MAP4K3: variants seen among roughly 807,000 people sequenced by gnomAD.
MAP4K3 encodes the protein mitogen-activated protein kinase kinase kinase kinase 3, also known as MAPK/ERK kinase kinase kinase 3.
Under a neutral mutation model 143.5 loss-of-function variants are expected in MAP4K3, and 94 were observed. The observed-to-expected ratio is 0.65, with a 90% CI of 0.55 to 0.78. The LOEUF (loss-of-function observed/expected upper bound fraction) is 0.78. Ranked by LOEUF, MAP4K3 falls within the 30% of genes least tolerant of loss-of-function variation. The pLI is 0.00. For synonymous variants in MAP4K3, 416 were observed against 347.2 expected, an observed-to-expected ratio of 1.20 and a Z score of -2.20; for missense variants, 1,077 against 1,068.1, an observed-to-expected ratio of 1.01 and a Z score of -0.12.
rs1256275761 is a variant in MAP4K3, at chr2:39,295,768, G to A, written c.1179-2500C>T. ...AGTCTTGCTTTTTTGGTCCAGTCTGGAGTGCAGTGGCGTGATCTTGGCTCA... is the reference window on the plus strand; with the variant it reads ...AGTCTTGCTTTTTTGGTCCAGTCTGAAGTGCAGTGGCGTGATCTTGGCTCA... On this transcript the variant is annotated intron_variant, in intron 16 of 33. Transcript: ENST00000263881. Among the ~76,000 whole-genome samples the A allele has an allele frequency of 2.8e-5, 4 of 143,330 alleles. No individual in the cohort carries two copies. In the Admixed American group the frequency reaches 2.9e-4, roughly 10 times the overall value. The allele number at this position is 143,330 out of a possible 152,430, so 94.0% of individuals were successfully genotyped here. A position where few individuals can be genotyped will look rare whatever the true frequency, so the allele number is the denominator to read the frequency against.
chr2:39,421,673 G>A (rs1667551916), intron 1 of MAP4K3, among the ~76,000 whole-genome samples: 1 of 152,060 alleles, frequency 6.6e-6, no homozygotes, highest in African/African-American at 2.4e-5. Flanking sequence ...TCTATAAATG[G>A]CATCTGCTAT....
chr2:39,429,028 G>A (rs926728491), intron 1 of MAP4K3, among the ~76,000 whole-genome samples: 6 of 118,514 alleles, frequency 5.1e-5, no homozygotes, highest in African/African-American at 1.9e-4. Context: ...TAGCGCCACT[G>A]CACTCCAGCC....
Position 39,321,132 on chromosome 2 carries a change from G to A in MAP4K3, c.918+4386C>T, listed in dbSNP as rs148156242. On this transcript the variant is annotated intron_variant, in intron 12 of 33. Coordinates refer to ENST00000263881, the MANE Select transcript of MAP4K3 (RefSeq NM_003618.4). ...ACCTTAGCATTATATCCTTAAACTCGTGAAACAAGCATTATTCTTCATTTC... is the reference window on the plus strand; with the variant it reads ...ACCTTAGCATTATATCCTTAAACTCATGAAACAAGCATTATTCTTCATTTC... Among the ~76,000 whole-genome samples, 979 of 152,146 alleles carry A rather than the reference G, an allele frequency of 6.4e-3. 10 individuals are homozygous for A. The highest frequency in any genetic ancestry group is 0.023 in the African/African-American group (938 of 41,508).
At chr2:39,374,762 A>G (rs1314146238) in intron 2 of MAP4K3, among the ~76,000 whole-genome samples, 1 of 152,200 alleles carries the variant, frequency 6.6e-6, no homozygotes, top group Non-Finnish European at 1.5e-5. Flanking sequence ...CAACAGTCAG[A>G]CACCTTGGAG....
intron 28 of MAP4K3, among the ~76,000 whole-genome samples, chr2:39,263,029 G>T (rs1159285886): frequency 7.9e-5 from 12 of 151,810 alleles, no homozygotes; most frequent in African/African-American, 2.9e-4. Flanking sequence ...GAGGCTGAGG[G>T]TGCAGTGAGC....
At chr2:39,332,104 G>T in intron 7 of MAP4K3, 115 bp from the exon 8 acceptor site, 1 of 521,028 alleles carries the variant, frequency 1.9e-6, no homozygotes, top group Non-Finnish European at 3.5e-6. Context: ...ACAGCAATAC[G>T]GGATATTCTC....
At chr2:39,426,295 AGGTTAAG>A (rs1665079138) in intron 1 of MAP4K3, among the ~76,000 whole-genome samples, 1 of 152,158 alleles carries the variant, frequency 6.6e-6, no homozygotes, top group Non-Finnish European at 1.5e-5. Flanking sequence ...AAACTCTTCT[AGGTTAAG>A]AGACTGAAGA....
intron 1 of MAP4K3, among the ~76,000 whole-genome samples, chr2:39,426,542 T>C (rs1665092841): frequency 6.6e-6 from 1 of 152,058 alleles, no homozygotes; most frequent in Non-Finnish European, 1.5e-5. Flanking sequence ...AGGAGTTTGA[T>C]GTCTGCAACT....
At chr2:39,414,821 G>C (rs1572504427) in intron 1 of MAP4K3, among the ~76,000 whole-genome samples, 1 of 151,900 alleles carries the variant, frequency 6.6e-6, no homozygotes, top group Non-Finnish European at 1.5e-5. Flanking sequence ...AGGTTGCAGT[G>C]AGCTGAGATG....
At chr2:39,352,513 TTC>T (rs1665489545) in intron 3 of MAP4K3, among the ~76,000 whole-genome samples, 2 of 152,238 alleles carry the variant, frequency 1.3e-5, no homozygotes, top group East Asian at 1.9e-4. Flanking sequence ...AATGATTTAA[TTC>T]TGTTGTTTTA....
At chr2:39,376,633 G>C (rs1300616987) in intron 2 of MAP4K3, among the ~76,000 whole-genome samples, 1 of 152,218 alleles carries the variant, frequency 6.6e-6, no homozygotes, top group Non-Finnish European at 1.5e-5. Context: ...AGAAAGGCAA[G>C]TCTAGAATGA....
intron 1 of MAP4K3, among the ~76,000 whole-genome samples, chr2:39,390,642 G>T (rs931728089): frequency 6.6e-6 from 1 of 152,098 alleles, no homozygotes; most frequent in Non-Finnish European, 1.5e-5. Flanking sequence ...TAGCAACAGG[G>T]AGTAAGTGGT....
intron 21 of MAP4K3, among the ~76,000 whole-genome samples, chr2:39,283,456 T>C (rs1681626253): frequency 6.6e-6 from 1 of 152,152 alleles, no homozygotes; most frequent in African/African-American, 2.4e-5. Flanking sequence ...CTTTTCCCAT[T>C]TTTTTTAACT....
At position 39,436,944 on chromosome 2, in the gene MAP4K3, T is replaced by C; in HGVS notation, c.44A>G (p.Asp15Gly). 2.5e-6 allele frequency: 4 copies of C among 1,612,598 alleles called. No homozygotes were observed. Among genetic ancestry groups the C allele is most frequent in the Non-Finnish European group, 1.7e-6 (2 of 1,179,396 alleles). Residue 15 changes from aspartate (D) to glycine (G), a missense_variant, in exon 1 of 34, where the codon GAC becomes GGC. Asp to Gly is a moderately conservative substitution (Grantham distance 94). This residue lies in a region of MAP4K3 where 213 missense variants were observed against 266.8 expected (regional missense o/e 0.80). Transcript: ENST00000263881. ...GCCGATGCGCTGAATCAGCTCGAAG[T>C]CCTCCTGCGGGTTCCGGCGGGACAA... is the stretch of plus-strand genomic sequence containing the variant. ...FDLSRRNPQE[D>G]FELIQRIGSG... is the part of the protein sequence containing the mutation.
chr2:39,384,766 T>G (rs1342215116), intron 1 of MAP4K3, among the ~76,000 whole-genome samples: 1 of 152,206 alleles, frequency 6.6e-6, no homozygotes, highest in African/African-American at 2.4e-5. Flanking sequence ...GTTTTTAATT[T>G]TTTTAACTAC....
chr2:39,357,065 G>A (rs1665631727), intron 2 of MAP4K3, among the ~76,000 whole-genome samples: 2 of 152,142 alleles, frequency 1.3e-5, no homozygotes, highest in Admixed American at 1.3e-4. Flanking sequence ...TGCAGAATGG[G>A]ACTGTATTTT....
intron 1 of MAP4K3, among the ~76,000 whole-genome samples, chr2:39,383,242 G>A (rs1255984637): frequency 6.6e-6 from 1 of 152,138 alleles, no homozygotes; most frequent in African/African-American, 2.4e-5. Context: ...GGGTTGGGAA[G>A]CCTCAGGAAA....
Position 39,265,208 on chromosome 2 carries a change from T to C in MAP4K3, c.2131A>G (p.Ile711Val). The part of the protein sequence containing the change: ...WVEPMQKFML[I>V]KHIDFPIPCP... ...AGTCTGACTTTTATGCTTACCTTAA[T>C]TAACATAAATTTCTGCATTGGTTCA... Residue 711 changes from isoleucine (I) to valine (V), a missense_variant, in exon 28 of 34, where the codon ATT (isoleucine) becomes GTT (valine). Ile to Val is a conservative substitution (Grantham distance 29). Around this residue, in one of 2 missense-constraint regions of MAP4K3, gnomAD observed 864 missense variants for 801.2 expected, o/e 1.08. Coordinates refer to ENST00000263881, the MANE Select transcript of MAP4K3 (RefSeq NM_003618.4). 6.3e-7 allele frequency: 1 copy of C among 1,591,832 alleles called. No homozygotes were observed. The highest frequency in any genetic ancestry group is 8.6e-7 in the Non-Finnish European group (1 of 1,160,008).
At chr2:39,332,173 T>G (rs1231881394) in intron 7 of MAP4K3, among the ~76,000 whole-genome samples, 184 bp from the exon 8 acceptor site, 2 of 152,112 alleles carry the variant, frequency 1.3e-5, no homozygotes, top group Admixed American at 1.3e-4. Flanking sequence ...CACAAAGTAG[T>G]GAATACATAT....
Sources: gnomAD v4.1 joint callset for allele counts (sites outside exome capture counted in the v4.1 genomes callset) on GRCh38, gnomAD v4.1.1 for gene constraint, gnomAD v4.1.1 regional missense constraint, MANE v1.5 for transcripts, NCBI Gene and HGNC (gene_info 2026-07-23, HGNC 2026-07-21) for gene names.